Variants in ULK2 observed in about 807,000 individuals in gnomAD.
The protein encoded by ULK2 is serine/threonine-protein kinase ULK2.
In ULK2, 76 loss-of-function variants were observed where a neutral mutation model predicts 127.5. The ratio of observed to expected loss-of-function variants is 0.60; its 90% CI spans 0.50 to 0.72. The LOEUF (loss-of-function observed/expected upper bound fraction) is 0.72. ULK2 is among the 30% of genes least tolerant of loss of function. The pLI, the probability that ULK2 is intolerant of heterozygous loss-of-function variation, is 0.00. For synonymous variants in ULK2, 452 were observed against 461.9 expected, an observed-to-expected ratio of 0.98 and a Z score of 0.28; for missense variants, 1,144 against 1,295.9, an observed-to-expected ratio of 0.88 and a Z score of 1.80.
chr17:19,841,564 G>A lies in ULK2; in HGVS notation c.646-17C>T. On this transcript the variant is annotated splice_polypyrimidine_tract_variant and intron_variant, in intron 8 of 26. Coordinates refer to ENST00000395544, the MANE Select transcript of ULK2 (RefSeq NM_014683.4). Reference sequence around the variant, plus strand: ...ACTATTGGCCTATTAAAAAAAAAAAGGTTTAATTTCCTAAACAATGGGGGC... The same window carrying A: ...ACTATTGGCCTATTAAAAAAAAAAAAGTTTAATTTCCTAAACAATGGGGGC... The A allele has an allele frequency of 6.6e-7, 1 of 1,511,890 alleles. No individual in the cohort carries two copies. The highest frequency in any genetic ancestry group is 1.3e-5 in the South Asian group (1 of 79,912). The allele number at this position is 1,511,890 out of a possible 1,614,324, so 93.7% of individuals were successfully genotyped here. A position where few individuals can be genotyped will look rare whatever the true frequency, so the allele number is the denominator to read the frequency against.
At chr17:19,816,637 T>C in intron 13 of ULK2, 112 bp downstream of exon 13, 1 of 927,184 alleles carries the variant, frequency 1.1e-6, no homozygotes, top group Non-Finnish European at 1.5e-6. Flanking sequence ...CTAAATAAAA[T>C]GCTCATTTGA....
intron 12 of ULK2, among the ~76,000 whole-genome samples, chr17:19,819,759 A>G (rs1311559281): frequency 6.6e-6 from 1 of 152,128 alleles, no homozygotes; most frequent in Non-Finnish European, 1.5e-5. Context: ...AGTTCAAGCA[A>G]TCTTCAAGAT....
In ULK2 at chr17:19,786,011, G is replaced by A; in HGVS notation, c.2177C>T (p.Thr726Ile). 6.3e-7 allele frequency: 1 copy of A among 1,582,722 alleles called. No individual in the cohort carries two copies. The highest frequency in any genetic ancestry group is 1.4e-5 in the African/African-American group (1 of 72,172). The change falls in exon 21 of 27, where the codon ACT becomes ATT. Residue 726 changes from threonine to isoleucine, a missense_variant. This residue lies in a region of ULK2 where 913 missense variants were observed against 970.5 expected (regional missense o/e 0.94). Coordinates refer to ENST00000395544, the MANE Select transcript of ULK2 (RefSeq NM_014683.4). ...TAASSKAVLF[T>I]VGSPPHSAAA... The stretch of plus-strand genomic sequence containing the variant: ...CGCACTGTGTGGAGGAGACCCTACA[G>A]TGAAGAGGACAGCCTTGGAACTTGC...
rs765700580 is a variant in ULK2, at chr17:19,867,440, G to A, written c.-23C>T. Reference sequence around the variant, plus strand: ...CATGGCCGCGCCCCCGGGGCACACAGCGGACGGGCGGGCGGCGCAGTGCGG... The same window carrying A: ...CATGGCCGCGCCCCCGGGGCACACAACGGACGGGCGGGCGGCGCAGTGCGG... On this transcript the variant is annotated 5_prime_UTR_variant, in exon 1 of 27. Transcript: ENST00000395544. 22 of 1,580,180 alleles carry A rather than the reference G, an allele frequency of 1.4e-5. No homozygotes were observed. Among genetic ancestry groups the A allele is most frequent in the Non-Finnish European group, 1.8e-5 (21 of 1,165,116 alleles).
chr17:19,815,594 T>C (rs556524037), intron 13 of ULK2, among the ~76,000 whole-genome samples: 2 of 152,232 alleles, frequency 1.3e-5, no homozygotes, highest in Non-Finnish European at 2.9e-5. Context: ...TATGGCATTA[T>C]ATATATTTTA....
intron 14 of ULK2, among the ~76,000 whole-genome samples, chr17:19,808,331 C>T (rs971568547): frequency 6.6e-6 from 1 of 152,030 alleles, no homozygotes; most frequent in Admixed American, 6.6e-5. Context: ...AACTCCTAGA[C>T]AAAAACATAG....
chr17:19,817,014 A>G lies in ULK2; in HGVS notation c.925-94T>C, dbSNP rs1164754153. 6.8e-6 allele frequency: 8 copies of G among 1,180,262 alleles called. No homozygotes were observed. In the East Asian group the frequency reaches 1.1e-4, roughly 17 times the overall value. 73.1% of individuals were successfully genotyped at this position (1,180,262 alleles called of 1,614,324 possible). A position where few individuals can be genotyped will look rare whatever the true frequency, so the allele number is the denominator to read the frequency against. On this transcript the variant is annotated intron_variant, in intron 12 of 26. Transcript: ENST00000395544. The stretch of plus-strand genomic sequence containing the variant: ...AAGGAATTTTTTTTTTTCCCCCACA[A>G]AAGTGGGCATGAAGTCCAATTCCAT...
At chr17:19,807,836 C>T (rs1159105943) in intron 14 of ULK2, among the ~76,000 whole-genome samples, 2 of 152,160 alleles carry the variant, frequency 1.3e-5, no homozygotes, top group East Asian at 1.9e-4. Context: ...CAAGGGGCGC[C>T]TTAGAGTACA....
intron 13 of ULK2, among the ~76,000 whole-genome samples, chr17:19,813,154 G>A (rs1351827863): frequency 6.6e-6 from 1 of 152,062 alleles, no homozygotes; most frequent in East Asian, 1.9e-4. Context: ...GTCTTTTGGG[G>A]GATCTGAGTA....
Position 19,804,774 on chromosome 17 carries a change from G to T in ULK2, c.1214C>A (p.Thr405Asn). Reference protein sequence around the residue: ...HSETAPIPVPTQIRNYQRIEQ... With the variant: ...HSETAPIPVPNQIRNYQRIEQ... ...TATGCGCTGATAATTCCTTATTTGA[G>T]TAGGAACTGGAATTGGTGCTGTTTC... Residue 405 changes from threonine to asparagine, a missense_variant, in exon 15 of 27, where the codon ACT becomes AAT. Transcript: ENST00000395544. 1 of 1,612,978 alleles carries T rather than the reference G, an allele frequency of 6.2e-7. No homozygotes were observed. Among genetic ancestry groups the T allele is most frequent in the Non-Finnish European group, 8.5e-7 (1 of 1,179,354 alleles).
intron 12 of ULK2, among the ~76,000 whole-genome samples, chr17:19,823,126 A>ACTT: frequency 8.8e-6 from 1 of 113,148 alleles, no homozygotes; most frequent in East Asian, 2.7e-4. Context: ...ACGCCTGGCT[A>ACTT]TTTTTTTTTT....
intron 1 of ULK2, 134 bp downstream of exon 1, chr17:19,867,194 G>T (rs1199235626): frequency 1.6e-6 from 1 of 636,800 alleles, no homozygotes; most frequent in Non-Finnish European, 2.5e-6. Flanking sequence ...ACGGCGAGAC[G>T]GGCTGCGCGC....
At chr17:19,806,535 C>T (rs934565638) in intron 14 of ULK2, among the ~76,000 whole-genome samples, 3 of 152,192 alleles carry the variant, frequency 2.0e-5, no homozygotes, top group Admixed American at 6.5e-5. Flanking sequence ...TGGTGTTCTG[C>T]AAATGTTATC....
intron 13 of ULK2, among the ~76,000 whole-genome samples, chr17:19,815,561 G>A (rs1036161164): frequency 9.2e-5 from 14 of 152,304 alleles, no homozygotes; most frequent in East Asian, 5.8e-4. Context: ...GATTACAGGC[G>A]TAAGCCACTG....
chr17:19,795,783 G>C, intron 19 of ULK2, 58 bp from the exon 20 acceptor site: 2 of 1,488,990 alleles, frequency 1.3e-6, no homozygotes, highest in Non-Finnish European at 1.9e-6. Flanking sequence ...AAACTAGAAG[G>C]GTTAATAGGA....
intron 10 of ULK2, among the ~76,000 whole-genome samples, chr17:19,831,240 A>G (rs979469304): frequency 3.3e-5 from 5 of 152,004 alleles, no homozygotes; most frequent in Non-Finnish European, 7.4e-5. Context: ...CGAGAACAGC[A>G]TAGAGGAAAT....
At chr17:19,838,699 A>C (rs979059537) in intron 9 of ULK2, 116 bp from the exon 10 acceptor site, 3 of 822,372 alleles carry the variant, frequency 3.6e-6, no homozygotes, top group African/African-American at 3.5e-5. Flanking sequence ...ATACCAATAC[A>C]TTTATACCAC....
chr17:19,848,039 T>C (rs1374425044), intron 5 of ULK2, among the ~76,000 whole-genome samples: 1 of 152,108 alleles, frequency 6.6e-6, no homozygotes, highest in African/African-American at 2.4e-5. Flanking sequence ...ACATGATGAT[T>C]AAATAAAACC....
At chr17:19,842,795 T>C (rs1220981921) in intron 8 of ULK2, among the ~76,000 whole-genome samples, 1 of 152,038 alleles carries the variant, frequency 6.6e-6, no homozygotes, top group Non-Finnish European at 1.5e-5. Context: ...GCCCCAGCCC[T>C]CATGTGGATT....
Sources: gnomAD v4.1 joint callset for allele counts (sites outside exome capture counted in the v4.1 genomes callset) on GRCh38, gnomAD v4.1.1 for gene constraint, gnomAD v4.1.1 regional missense constraint, MANE v1.5 for transcripts, NCBI Gene and HGNC (gene_info 2026-07-23, HGNC 2026-07-21) for gene names.